TRIO: variants seen among roughly 807,000 people sequenced by gnomAD.
TRIO encodes trio Rho guanine nucleotide exchange factor.
In TRIO, 58 loss-of-function variants were observed where a neutral mutation model predicts 351.9. The observed-to-expected ratio is 0.16, with a 90% CI of 0.13 to 0.21. The LOEUF (loss-of-function observed/expected upper bound fraction) is 0.21, where lower values mean the gene tolerates loss of function less well. Ranked by LOEUF, TRIO falls within the 10% of genes least tolerant of loss-of-function variation. The pLI, the probability that TRIO is intolerant of heterozygous loss-of-function variation, is 1.00. For synonymous variants in TRIO, 1,758 were observed against 1,595.7 expected (o/e 1.10, Z -2.42); for missense variants, 3,201 against 4,027.8 (o/e 0.79, Z 5.56).
At chr5:14,264,468 T>G (rs1260837459) in intron 1 of TRIO, among the ~76,000 whole-genome samples, 1 of 152,196 alleles carries the variant, frequency 6.6e-6, no homozygotes, top group Non-Finnish European at 1.5e-5. Context: ...AACATGTCCA[T>G]AAGTCTTAAT....
intron 4 of TRIO, among the ~76,000 whole-genome samples, chr5:14,287,812 T>G (rs1230320149): frequency 1.3e-5 from 2 of 152,234 alleles, no homozygotes; most frequent in Non-Finnish European, 2.9e-5. Context: ...TAAGAAATAC[T>G]TTTTGGTTGA....
At chr5:14,441,400 TTC>T (rs1211642047) in intron 34 of TRIO, 1 of 154,718 alleles carries the variant, frequency 6.5e-6, no homozygotes, top group African/African-American at 2.4e-5. Context: ...TGGCGCTGCT[TTC>T]TCTCTGCCTG....
At chr5:14,182,171 G>A (rs1789820461) in intron 1 of TRIO, among the ~76,000 whole-genome samples, 1 of 151,858 alleles carries the variant, frequency 6.6e-6, no homozygotes, top group African/African-American at 2.4e-5. Flanking sequence ...TTTGATAAAC[G>A]AGACTTCTCT....
intron 7 of TRIO, among the ~76,000 whole-genome samples, chr5:14,300,988 G>GT (rs1461786239): frequency 6.6e-6 from 1 of 152,142 alleles, no homozygotes; most frequent in Admixed American, 6.5e-5. Context: ...GGTGGCGGGG[G>GT]TGAGAGATGG....
At chr5:14,412,063 C>T (rs1579579761) in intron 33 of TRIO, among the ~76,000 whole-genome samples, 1 of 151,430 alleles carries the variant, frequency 6.6e-6, no homozygotes, top group East Asian at 1.9e-4. Flanking sequence ...CCTTTGCTCA[C>T]TGCAACCTCC....
intron 14 of TRIO, among the ~76,000 whole-genome samples, chr5:14,364,253 C>T (rs1266414526): frequency 6.6e-6 from 1 of 151,992 alleles, no homozygotes; most frequent in Non-Finnish European, 1.5e-5. Flanking sequence ...TATGTTTTAC[C>T]AGCAGATGTC....
rs1354144605 is a variant in TRIO at position 14,478,787 on chromosome 5, A to C, written c.6154-474A>C. ...TGAAAAAGCAGGACTCCATCCCTAC[A>C]AAAAAAAAAAAAAAAAAATTAAAAA... On this transcript the variant is annotated intron_variant, in intron 41 of 56. Coordinates refer to ENST00000344204, the MANE Select transcript of TRIO (RefSeq NM_007118.4). Among the ~76,000 whole-genome samples the C allele has an allele frequency of 8.7e-5, 10 of 115,606 alleles. No individual in the cohort carries two copies. The South Asian group carries it at 2.0e-3, about 23-fold the overall frequency. The allele number at this position is 115,606 out of a possible 152,430, so 75.8% of individuals were successfully genotyped here. A position where few individuals can be genotyped will look rare whatever the true frequency, so the allele number is the denominator to read the frequency against.
chr5:14,492,800 G>C lies in TRIO; in HGVS notation c.7866G>C (p.Pro2622=), dbSNP rs769630392. 5 of 1,613,800 alleles carry C rather than the reference G, an allele frequency of 3.1e-6. No individual in the cohort carries two copies. The highest frequency in any genetic ancestry group is 2.5e-6 in the Non-Finnish European group (3 of 1,179,902). ...CCAGTGCAGTCATCGTGGAGAACCC[G>C]GACGGGACTCTCAAGTGAGTGCTTG... ...GHTSAVIVEN[P]DGTLKKSTSW... is the part of the protein sequence containing the mutation. The change falls in exon 49 of 57, where the codon CCG becomes CCC. Residue 2622 remains proline (P), a synonymous_variant. Coordinates refer to ENST00000344204, the MANE Select transcript of TRIO (RefSeq NM_007118.4).
intron 8 of TRIO, among the ~76,000 whole-genome samples, chr5:14,308,656 TCC>T (rs1738608257): frequency 9.4e-6 from 1 of 106,820 alleles, no homozygotes. Flanking sequence ...TCATCATCCA[TCC>T]ATCCATCCAT....
chr5:14,364,933 C>T, intron 15 of TRIO, 117 bp downstream of exon 15: 1 of 1,299,874 alleles, frequency 7.7e-7, no homozygotes, highest in African/African-American at 1.5e-5. Flanking sequence ...CAGAACACAG[C>T]TTTCCTGATA....
intron 1 of TRIO, among the ~76,000 whole-genome samples, chr5:14,246,021 G>T (rs899014587): frequency 1.3e-5 from 2 of 152,272 alleles, no homozygotes; most frequent in Non-Finnish European, 2.9e-5. Context: ...CCCGGTTAAC[G>T]ATATAAGGGG....
At chr5:14,309,172 G>A (rs1320789801) in intron 8 of TRIO, among the ~76,000 whole-genome samples, 1 of 146,800 alleles carries the variant, frequency 6.8e-6, no homozygotes, top group African/African-American at 2.5e-5. Flanking sequence ...AAAAATACAT[G>A]TGTTTGTGCA....
intron 1 of TRIO, among the ~76,000 whole-genome samples, chr5:14,215,490 G>A (rs1407651582): frequency 6.6e-6 from 1 of 152,096 alleles, no homozygotes; most frequent in Non-Finnish European, 1.5e-5. Context: ...TCTTTATTCA[G>A]ACCAACCTTC....
chr5:14,228,878 A>G (rs2152218492), intron 1 of TRIO, among the ~76,000 whole-genome samples: 3 of 152,300 alleles, frequency 2.0e-5, no homozygotes, highest in Middle Eastern at 6.8e-3. Context: ...CTCAAAAAAA[A>G]AGAAAAGAAA....
At chr5:14,303,536 A>C (rs181449) in intron 7 of TRIO, among the ~76,000 whole-genome samples, 1 of 125,512 alleles carries the variant, frequency 8.0e-6, no homozygotes, top group Admixed American at 8.2e-5. Context: ...GATGGCTGCC[A>C]CAGGACTGTT....
chr5:14,404,656 G>A lies in TRIO; in HGVS notation c.4717-1192G>A, dbSNP rs547262168. On this transcript the variant is annotated intron_variant, in intron 31 of 56. Coordinates refer to ENST00000344204, the MANE Select transcript of TRIO (RefSeq NM_007118.4). ...CCTTACTTTCCCCCCGCTTTCCCCGGTCACCCTGCCTCCTTCCTGCCCCCT... is the reference window on the plus strand; with the variant it reads ...CCTTACTTTCCCCCCGCTTTCCCCGATCACCCTGCCTCCTTCCTGCCCCCT... Among the ~76,000 whole-genome samples the A allele has an allele frequency of 7.2e-5, 11 of 152,068 alleles. No homozygotes were observed. In the South Asian group the frequency reaches 2.3e-3, roughly 32 times the overall value.
intron 47 of TRIO, among the ~76,000 whole-genome samples, chr5:14,485,582 T>C (rs769392389): frequency 4.1e-4 from 62 of 152,066 alleles, no homozygotes; most frequent in Non-Finnish European, 6.9e-4. Context: ...ACACATAACA[T>C]GTACGAGGGC....
At chr5:14,361,732 G>A (rs751111130) in intron 13 of TRIO, among the ~76,000 whole-genome samples, 39 of 152,334 alleles carry the variant, frequency 2.6e-4, no homozygotes, top group Non-Finnish European at 2.9e-5. Context: ...AAGGTGCATA[G>A]GATCCACGGA....
intron 1 of TRIO, 59 bp from the exon 2 acceptor site, chr5:14,270,766 A>C (rs1271999023): frequency 6.6e-6 from 9 of 1,367,002 alleles, no homozygotes; most frequent in African/African-American, 1.4e-5. Flanking sequence ...TAGAATGGTT[A>C]AGGAATTAAC....
Sources: gnomAD v4.1 joint callset for allele counts (sites outside exome capture counted in the v4.1 genomes callset) on GRCh38, gnomAD v4.1.1 for gene constraint, MANE v1.5 for transcripts, NCBI Gene and HGNC (gene_info 2026-07-23, HGNC 2026-07-21) for gene names.